Variants in VAC14 observed in about 807,000 individuals in gnomAD.
VAC14 encodes the protein protein VAC14 homolog.
Under a neutral mutation model 85.3 loss-of-function variants are expected in VAC14, and 47 were observed. That is an observed-to-expected ratio of 0.55 (90% CI 0.44 to 0.70). The LOEUF is 0.70. VAC14 is among the 30% of genes least tolerant of loss of function. The pLI, the probability that VAC14 is intolerant of heterozygous loss-of-function variation, is 0.00. For synonymous variants in VAC14, 447 were observed against 430.5 expected, an observed-to-expected ratio of 1.04 and a Z score of -0.47; for missense variants, 861 against 1,004.3, an observed-to-expected ratio of 0.86 and a Z score of 1.93.
rs561206728 is a variant in VAC14 at position 70,778,738 on chromosome 16, GTATA to G, written c.1096+2048_1096+2051del. 12 of 152,286 alleles carry G rather than the reference GTATA, an allele frequency of 7.9e-5. No individual in the cohort carries two copies. In the East Asian group the frequency reaches 2.3e-3, roughly 29 times the overall value. The allele number at this position is 152,286 out of a possible 1,614,324, so 9.4% of individuals were successfully genotyped here. A position where few individuals can be genotyped will look rare whatever the true frequency, so the allele number is the denominator to read the frequency against. The stretch of plus-strand genomic sequence containing the variant: ...TGTTAAGTTCTATGATCTTAACTAC[GTATA>G]TATATTAAAAACTGGAAAAAATACA... On this transcript the variant is annotated intron_variant, in intron 9 of 18. Coordinates refer to ENST00000261776, the MANE Select transcript of VAC14 (RefSeq NM_018052.5).
At position 70,798,703 on chromosome 16, in the gene VAC14, T is replaced by C. The variant is rs549216127; in HGVS notation, c.104+2094A>G. Among the ~76,000 whole-genome samples, 4 of 152,336 alleles carry C rather than the reference T, an allele frequency of 2.6e-5. No individual in the cohort carries two copies. The East Asian group carries it at 7.7e-4, about 29-fold the overall frequency. On this transcript the variant is annotated intron_variant, in intron 1 of 18. Transcript: ENST00000261776. ...CCCAGGGATCTTGTTAAAATGCAGATTCTGATTCCATAGGTCTGGAGCAAA... is the reference window on the plus strand; with the variant it reads ...CCCAGGGATCTTGTTAAAATGCAGACTCTGATTCCATAGGTCTGGAGCAAA...
chr16:70,695,631 T>A lies in VAC14; in HGVS notation c.1956-8A>T. On this transcript the variant is annotated splice_region_variant and splice_polypyrimidine_tract_variant and intron_variant, in intron 16 of 18. Coordinates refer to ENST00000261776, the MANE Select transcript of VAC14 (RefSeq NM_018052.5). The stretch of plus-strand genomic sequence containing the variant: ...GTGACCTCCAGGTCCCCACTGGGTG[T>A]GCAGTCAAGGAAAGTCTGTCTGCTG... 4 of 1,613,036 alleles carry A rather than the reference T, an allele frequency of 2.5e-6. No individual in the cohort carries two copies. Among genetic ancestry groups the A allele is most frequent in the Non-Finnish European group, 3.4e-6 (4 of 1,179,412 alleles).
At chr16:70,768,043 C>T (rs1261663644) in intron 10 of VAC14, among the ~76,000 whole-genome samples, 7 of 152,120 alleles carry the variant, frequency 4.6e-5, no homozygotes, top group Admixed American at 4.6e-4. Context: ...TGCCACCACA[C>T]CCAGCTCATT....
In VAC14 at chr16:70,784,216, A is replaced by C; in HGVS notation, c.491T>G (p.Ile164Ser). Residue 164 changes from isoleucine to serine, a missense_variant, in exon 5 of 19, where the codon ATT (isoleucine) becomes AGT (serine). Ile to Ser is a moderately radical substitution (Grantham distance 142). This residue lies in a region of VAC14 where 629 missense variants were observed against 703.1 expected (regional missense o/e 0.89). Coordinates refer to ENST00000261776, the MANE Select transcript of VAC14 (RefSeq NM_018052.5). ...GTCAAACTTGTTGCTCTCAGTCACA[A>C]TGTCCTGTGGATCAGAGGAAAGTGA... The part of the protein sequence containing the change: ...SELLDRLLKD[I>S]VTESNKFDLV... The C allele has an allele frequency of 6.2e-7, 1 of 1,614,020 alleles. No individual in the cohort carries two copies. Among genetic ancestry groups the C allele is most frequent in the Non-Finnish European group, 8.5e-7 (1 of 1,179,912 alleles).
chr16:70,690,176 C>T (rs977429288), intron 18 of VAC14: 1 of 985,346 alleles, frequency 1.0e-6, no homozygotes, highest in African/African-American at 1.7e-5. Context: ...TCCCTGGGCC[C>T]TTAGGGTGGC....
chr16:70,784,721 A>G (rs1298993196), intron 4 of VAC14, 55 bp downstream of exon 4: 1 of 1,522,798 alleles, frequency 6.6e-7, no homozygotes, highest in East Asian at 2.2e-5. Flanking sequence ...TAAGCTTTAC[A>G]GACAGACGGG....
At position 70,801,130 on chromosome 16, in the gene VAC14, C is replaced by G. The variant is rs2034789442; in HGVS notation, c.-230G>C. 9.4e-6 allele frequency: 4 copies of G among 426,166 alleles called. No individual in the cohort carries two copies. The South Asian group carries it at 1.6e-4, about 17-fold the overall frequency. 26.4% of individuals were successfully genotyped at this position (426,166 alleles called of 1,614,324 possible). A position where few individuals can be genotyped will look rare whatever the true frequency, so the allele number is the denominator to read the frequency against. On this transcript the variant is annotated 5_prime_UTR_variant, in exon 1 of 19. The change abolishes the stop of an existing upstream ORF in the 5' untranslated region. Coordinates refer to ENST00000261776, the MANE Select transcript of VAC14 (RefSeq NM_018052.5). ...ACTCCCGCCCGGCACTAGCGGGACT[C>G]ACGAGACAGCGGCCATGTTACTCGA... is the stretch of plus-strand genomic sequence containing the variant.
chr16:70,695,662 G>C (rs915182112), intron 16 of VAC14, 39 bp from the exon 17 acceptor site: 1 of 1,596,682 alleles, frequency 6.3e-7, no homozygotes, highest in Admixed American at 1.7e-5. Context: ...TGCTGGGCCA[G>C]CACAGCCGCA....
chr16:70,786,315 A>G lies in VAC14; in HGVS notation c.155T>C (p.Val52Ala). Residue 52 changes from valine to alanine, a missense_variant, in exon 2 of 19, where the codon GTG becomes GCG. Val to Ala is a moderately conservative substitution (Grantham distance 64). Coordinates refer to ENST00000261776, the MANE Select transcript of VAC14 (RefSeq NM_018052.5). ...AAACTCCTGGGACAGGGTCTGGATCACATGCTTGATTTGCACGGTATTGTT... is the reference window on the plus strand; with the variant it reads ...AAACTCCTGGGACAGGGTCTGGATCGCATGCTTGATTTGCACGGTATTGTT... ...AQNNTVQIKHVIQTLSQEFAL... is the reference protein window; with the variant it reads ...AQNNTVQIKHAIQTLSQEFAL... 7.4e-6 allele frequency: 12 copies of G among 1,614,222 alleles called. No individual in the cohort carries two copies. Among genetic ancestry groups the G allele is most frequent in the Non-Finnish European group, 9.3e-6 (11 of 1,180,044 alleles).
chr16:70,743,297 C>G (rs1042511569), intron 13 of VAC14, among the ~76,000 whole-genome samples: 2 of 152,226 alleles, frequency 1.3e-5, no homozygotes, highest in Non-Finnish European at 2.9e-5. Flanking sequence ...ATGGACTAAT[C>G]AGCACTCTGC....
At position 70,698,580 on chromosome 16, in the gene VAC14, G is replaced by A. The variant is rs7201952; in HGVS notation, c.1836+57C>T. 0.52 allele frequency: 834,247 copies of A among 1,601,218 alleles called. 231,970 individuals are homozygous for A. Among genetic ancestry groups the A allele is most frequent in the Non-Finnish European group, 0.58 (675,132 of 1,171,192 alleles). ...CCAGCCGAGGGGCGGGCTCACACAG[G>A]GTGTGCCCCCTGGCATGCAGGAGAC... On this transcript the variant is annotated intron_variant, in intron 15 of 18. Coordinates refer to ENST00000261776, the MANE Select transcript of VAC14 (RefSeq NM_018052.5).
intron 15 of VAC14, among the ~76,000 whole-genome samples, chr16:70,697,623 G>A (rs1443303683): frequency 6.6e-6 from 1 of 152,192 alleles, no homozygotes; most frequent in Non-Finnish European, 1.5e-5. Context: ...TGATGATGGG[G>A]GAGTGGGCAG....
Position 70,692,739 on chromosome 16 carries a change from T to G in VAC14, c.2186+82A>C, listed in dbSNP as rs561763719. 10 of 1,525,238 alleles carry G rather than the reference T, an allele frequency of 6.6e-6. No homozygotes were observed. The South Asian group carries it at 1.1e-4, about 17-fold the overall frequency. 94.5% of individuals were successfully genotyped at this position (1,525,238 alleles called of 1,614,324 possible). On this transcript the variant is annotated intron_variant, in intron 18 of 18. Coordinates refer to ENST00000261776, the MANE Select transcript of VAC14 (RefSeq NM_018052.5). ...AAGTGAGGGAGGCCTCAGCAGCCCCTGGCAAGGCCCTTCCTCACCAGGCTC... is the reference window on the plus strand; with the variant it reads ...AAGTGAGGGAGGCCTCAGCAGCCCCGGGCAAGGCCCTTCCTCACCAGGCTC...
chr16:70,704,163 C>T (rs2053879555), intron 14 of VAC14, among the ~76,000 whole-genome samples: 1 of 152,230 alleles, frequency 6.6e-6, no homozygotes, highest in African/African-American at 2.4e-5. Context: ...TCAGGTGAAA[C>T]CTGGGCCAGG....
chr16:70,786,667 TG>T (rs754518621), intron 1 of VAC14, among the ~76,000 whole-genome samples: 2 of 152,248 alleles, frequency 1.3e-5, no homozygotes, highest in African/African-American at 2.4e-5. Context: ...CATTATCAGT[TG>T]ATCAACTGTC....
chr16:70,743,981 C>A (rs937174768), intron 13 of VAC14, among the ~76,000 whole-genome samples: 1 of 151,962 alleles, frequency 6.6e-6, no homozygotes, highest in African/African-American at 2.4e-5. Context: ...TGAATGATGC[C>A]GTCTCCTGCC....
Position 70,800,917 on chromosome 16 carries a change from A to T in VAC14, c.-17T>A. 6.4e-7 allele frequency: 1 copy of T among 1,555,042 alleles called. No homozygotes were observed. Among genetic ancestry groups the T allele is most frequent in the African/African-American group, 1.4e-5 (1 of 71,348 alleles). ...GGGGTTCATGGTGGCAGCTGGGGGA[A>T]CCTCGCGACTCCTTAGCCCGCGGCT... On this transcript the variant is annotated 5_prime_UTR_variant, in exon 1 of 19. Transcript: ENST00000261776.
chr16:70,788,744 C>G (rs78067362), intron 1 of VAC14, among the ~76,000 whole-genome samples: 13,364 of 152,192 alleles, frequency 0.088, 1,691 homozygotes, highest in African/African-American at 0.28. Flanking sequence ...GGCGGCCGGG[C>G]TTCGATTCCT....
chr16:70,757,392 T>C (rs1339420632), intron 12 of VAC14, among the ~76,000 whole-genome samples: 1 of 152,156 alleles, frequency 6.6e-6, no homozygotes, highest in African/African-American at 2.4e-5. Flanking sequence ...CTGCTGACAA[T>C]GGGGCTCTAA....
Sources: allele counts gnomAD v4.1 joint callset (sites outside exome capture counted in the v4.1 genomes callset), GRCh38; gene constraint gnomAD v4.1.1; regional missense constraint gnomAD v4.1.1; transcripts MANE v1.5; gene names NCBI Gene and HGNC (gene_info 2026-07-23, HGNC 2026-07-21).